The following DPP6 variants were observed in gnomAD, a reference collection of about 807,000 sequenced individuals.
DPP6 encodes A-type potassium channel modulatory protein DPP6.
Under a neutral mutation model 122.6 loss-of-function variants are expected in DPP6, and 69 were observed. The observed-to-expected ratio is 0.56, with a 90% CI of 0.46 to 0.69. The LOEUF (loss-of-function observed/expected upper bound fraction) is 0.69, where lower values mean the gene tolerates loss of function less well. Ranked by LOEUF, DPP6 falls within the 30% of genes least tolerant of loss-of-function variation. The probability of loss-of-function intolerance (pLI) is 0.00; values close to 1 mark genes in which losing one functional copy is unlikely to be tolerated. For missense variants in DPP6, 928 were observed against 1,116.9 expected, an observed-to-expected ratio of 0.83 and a Z score of 2.41; for synonymous variants, 418 against 433.1, an observed-to-expected ratio of 0.97 and a Z score of 0.43.
intron 1 of DPP6, among the ~76,000 whole-genome samples, chr7:154,114,681 T>C (rs562711386): frequency 3.9e-5 from 6 of 152,290 alleles, no homozygotes; most frequent in East Asian, 1.9e-4. Flanking sequence ...GTATAGAGCA[T>C]TGGGAGCTGC....
the DPP6 span, among the ~76,000 whole-genome samples, chr7:153,780,854 CAT>C: frequency 1.4e-4 from 21 of 152,202 alleles, no homozygotes; most frequent in African/African-American, 4.6e-4. Context: ...ATAACACAAA[CAT>C]GTGGGCCTTC....
At chr7:153,830,177 A>T in the DPP6 span, among the ~76,000 whole-genome samples, 3 of 152,254 alleles carry the variant, frequency 2.0e-5, no homozygotes, top group East Asian at 3.8e-4. Flanking sequence ...ATATTAATTT[A>T]ACTCACTATC....
intron 1 of DPP6, among the ~76,000 whole-genome samples, chr7:154,164,584 C>G (rs1205224502): frequency 6.6e-6 from 1 of 152,100 alleles, no homozygotes; most frequent in Non-Finnish European, 1.5e-5. Flanking sequence ...ATATTTTCAT[C>G]ATCCAAAATA....
chr7:154,041,698 C>G (rs1163149814), intron 1 of DPP6, among the ~76,000 whole-genome samples: 1 of 151,886 alleles, frequency 6.6e-6, no homozygotes, highest in Non-Finnish European at 1.5e-5. Flanking sequence ...TGCATGCTAT[C>G]AGGGCTCAAG....
chr7:154,749,514 A>C (rs879016756), intron 8 of DPP6, among the ~76,000 whole-genome samples: 80 of 134,616 alleles, frequency 5.9e-4, no homozygotes, highest in Middle Eastern at 4.7e-3. Flanking sequence ...CTTTACTGAG[A>C]GAGGGTGAGA....
Position 154,209,657 on chromosome 7 carries a change from G to A in DPP6, c.243+156594G>A, listed in dbSNP as rs143294221. Among the ~76,000 whole-genome samples the A allele has an allele frequency of 7.8e-4, 119 of 152,172 alleles. 4 individuals are homozygous for A. The East Asian group carries it at 0.021, about 27-fold the overall frequency. ...AATCTCTTAAGTGTAAAGAAGCCCA[G>A]TGCAAACCACCATGAATTATCATCA... On this transcript the variant is annotated intron_variant, in intron 1 of 25. Transcript: ENST00000377770.
chr7:154,203,730 T>C (rs1799289712), intron 1 of DPP6, among the ~76,000 whole-genome samples: 2 of 152,202 alleles, frequency 1.3e-5, no homozygotes. Context: ...CTCTCTCTTC[T>C]GATCTGTGAG....
chr7:154,727,430 C>T (rs1439214774), intron 7 of DPP6, among the ~76,000 whole-genome samples: 1 of 152,186 alleles, frequency 6.6e-6, no homozygotes, highest in Non-Finnish European at 1.5e-5. Flanking sequence ...CAGCCTCCAA[C>T]ATTGGAGATT....
At chr7:153,843,175 A>AGTGCATACACACGC in the DPP6 span, among the ~76,000 whole-genome samples, 1 of 151,838 alleles carries the variant, frequency 6.6e-6, no homozygotes, top group East Asian at 1.9e-4. Flanking sequence ...TACACACACG[A>AGTGCATACACACGC]GTGCATACAC....
At chr7:154,537,056 G>A (rs946922804) in intron 3 of DPP6, among the ~76,000 whole-genome samples, 7 of 151,408 alleles carry the variant, frequency 4.6e-5, no homozygotes, top group Non-Finnish European at 8.8e-5. Flanking sequence ...AAACACAAAG[G>A]GTAAACATTT....
intron 1 of DPP6, among the ~76,000 whole-genome samples, chr7:154,430,133 C>T (rs1012805128): frequency 9.2e-5 from 14 of 152,270 alleles, no homozygotes; most frequent in Admixed American, 3.9e-4. Flanking sequence ...ATTCCCCAGG[C>T]TCCTCGACGG....
chr7:154,493,227 C>G (rs1260084466), intron 3 of DPP6, among the ~76,000 whole-genome samples: 2 of 152,100 alleles, frequency 1.3e-5, no homozygotes, highest in African/African-American at 4.8e-5. Flanking sequence ...GTTAAGCCTC[C>G]TTGGTGCTTT....
chr7:153,833,471 C>T, the DPP6 span, among the ~76,000 whole-genome samples: 3 of 152,094 alleles, frequency 2.0e-5, no homozygotes, highest in East Asian at 1.9e-4. Flanking sequence ...GTCAGGAGTT[C>T]GAGACCAGCC....
chr7:153,853,029 A>T, the DPP6 span, among the ~76,000 whole-genome samples: 2 of 152,154 alleles, frequency 1.3e-5, no homozygotes, highest in African/African-American at 4.8e-5. Context: ...ACAATGCCCC[A>T]TCTCTCTGCA....
chr7:154,754,178 C>T (rs1214673864), intron 8 of DPP6, among the ~76,000 whole-genome samples: 4 of 152,122 alleles, frequency 2.6e-5, no homozygotes, highest in African/African-American at 4.8e-5. Flanking sequence ...TCAGGATTTT[C>T]GTTGAAACTG....
rs142769981 is a variant in DPP6 at position 154,087,643 on chromosome 7, T to A, written c.243+34580T>A. Among the ~76,000 whole-genome samples the A allele has an allele frequency of 2.1e-3, 316 of 152,302 alleles. 2 individuals carry two copies. The highest frequency in any genetic ancestry group is 7.1e-3 in the African/African-American group (294 of 41,560). On this transcript the variant is annotated intron_variant, in intron 1 of 25. Transcript: ENST00000377770. ...GTCCCTAATCCAAGCCAGGAGAGAA[T>A]GAAGGCTCTTAGTTTAAAAGGTCCT...
chr7:154,722,555 T>C (rs1277387714), intron 7 of DPP6, among the ~76,000 whole-genome samples: 3 of 152,200 alleles, frequency 2.0e-5, no homozygotes, highest in African/African-American at 7.2e-5. Context: ...TTTTAAAAAA[T>C]ACATGAGAAA....
At chr7:154,137,656 G>GGA in intron 1 of DPP6, among the ~76,000 whole-genome samples, 1 of 53,738 alleles carries the variant, frequency 1.9e-5, no homozygotes, top group Non-Finnish European at 4.0e-5. Flanking sequence ...GGGGTGGGGG[G>GGA]GTGGGGGGGG....
intron 6 of DPP6, among the ~76,000 whole-genome samples, chr7:154,645,061 G>GTTTT (rs538662916): frequency 8.2e-6 from 1 of 121,850 alleles, no homozygotes; most frequent in Non-Finnish European, 1.7e-5. Flanking sequence ...TTATTTGTTG[G>GTTTT]TTTTTTTTTT....
Sources: gnomAD v4.1 joint callset for allele counts (sites outside exome capture counted in the v4.1 genomes callset) on GRCh38, gnomAD v4.1.1 for gene constraint, MANE v1.5 for transcripts, NCBI Gene and HGNC (gene_info 2026-07-23, HGNC 2026-07-21) for gene names.